Variants in TARDBP observed in about 807,000 individuals in gnomAD.
The protein encoded by TARDBP is TAR DNA binding protein, also known as TAR DNA-binding protein 43.
In TARDBP, 4 loss-of-function variants were observed where a neutral mutation model predicts 38.3. That is an observed-to-expected ratio of 0.10 (90% CI 0.05 to 0.24). The LOEUF is 0.24. Ranked by LOEUF, TARDBP falls within the 10% of genes least tolerant of loss-of-function variation. TARDBP has a pLI of 1.00. For missense variants in TARDBP, 202 were observed against 521.9 expected, an observed-to-expected ratio of 0.39 and a Z score of 5.97; for synonymous variants, 184 against 183.8, an observed-to-expected ratio of 1.00 and a Z score of -0.01.
rs756451309 is a variant in TARDBP at position 11,022,589 on chromosome 1, G to A, written c.1180G>A (p.Gly394Ser). The A allele has an allele frequency of 6.3e-7, 1 of 1,593,698 alleles. No individual in the cohort carries two copies. The highest frequency in any genetic ancestry group is 2.2e-5 in the East Asian group (1 of 44,680). The change falls in exon 6 of 6, where the codon GGC (glycine) becomes AGC (serine). Residue 394 changes from glycine (G) to serine (S), a missense_variant. Coordinates refer to ENST00000240185, the MANE Select transcript of TARDBP (RefSeq NM_007375.4). This position sits in a 1 kb window ranked among gnomAD's most constrained non-coding sequence, Gnocchi z 4.5. ...GGGATCAGCATCCAATGCAGGGTCG[G>A]GCAGTGGTTTTAATGGAGGCTTTGG... is the stretch of plus-strand genomic sequence containing the variant. ...GWGSASNAGS[G>S]SGFNGGFGSS...
chr1:11,027,077 A>G (rs1250963821), downstream of TARDBP: 1 of 1,594,696 alleles, frequency 6.3e-7, no homozygotes, highest in Admixed American at 1.7e-5. Flanking sequence ...CCTTGCCCCC[A>G]CTTTCTAAGC....
Position 11,024,567 on chromosome 1 carries a change from A to T in TARDBP, c.*1913A>T, listed in dbSNP as rs1643694755. ...GGATTTGAAAAGTGGAATTAATTGC[A>T]GTAGGGATAAAGTAGAAGAAACCAC... On this transcript the variant is annotated 3_prime_UTR_variant, in exon 6 of 6. Coordinates refer to ENST00000240185, the MANE Select transcript of TARDBP (RefSeq NM_007375.4). The T allele has an allele frequency of 6.6e-6, 1 of 152,664 alleles. No individual in the cohort carries two copies. Among genetic ancestry groups the T allele is most frequent in the South Asian group, 2.1e-4 (1 of 4,824 alleles). The allele number at this position is 152,664 out of a possible 1,614,324, so 9.5% of individuals were successfully genotyped here.
At chr1:11,027,133 G>C (rs762309624), downstream of TARDBP, 1 of 1,612,728 alleles carries the variant, frequency 6.2e-7, no homozygotes, top group Admixed American at 1.7e-5. Flanking sequence ...GGATAGGGTG[G>C]CTTTTCATAT....
Position 11,015,037 on chromosome 1 carries a change from G to A in TARDBP, c.238+1072G>A, listed in dbSNP as rs1472582903. ...CAGGAGAATCGCTTGAACCTGGGAG[G>A]CGGAGATTACTTTAAGCTGAGGTCG... On this transcript the variant is annotated intron_variant, in intron 2 of 5. Coordinates refer to ENST00000240185, the MANE Select transcript of TARDBP (RefSeq NM_007375.4). Among the ~76,000 whole-genome samples the A allele has an allele frequency of 2.6e-5, 4 of 151,648 alleles. No homozygotes were observed. The East Asian group carries it at 7.7e-4, about 29-fold the overall frequency.
rs575825467 is a variant in TARDBP, at chr1:11,013,703, CTT to C, written c.-12-10_-12-9del. On this transcript the variant is annotated splice_polypyrimidine_tract_variant and intron_variant, in intron 1 of 5. Coordinates refer to ENST00000240185, the MANE Select transcript of TARDBP (RefSeq NM_007375.4). Reference sequence around the variant, plus strand: ...ACATGAATGTTGTTCATTCATATCTCTTTTCTCTTTAGGAAAAGTAAAAGATG... The same window carrying C: ...ACATGAATGTTGTTCATTCATATCTCTTCTCTTTAGGAAAAGTAAAAGATG... 2.7e-4 allele frequency: 433 copies of C among 1,575,584 alleles called. 10 individuals carry two copies. In the South Asian group the frequency reaches 4.8e-3, roughly 17 times the overall value.
At position 11,024,005 on chromosome 1, in the gene TARDBP, T is replaced by G; in HGVS notation, c.*1351T>G. ...GCTTGGATGCTTTTTATAAGAGTTG[T>G]CATTGTTGGAAATTCTTAAATAAAA... is the stretch of plus-strand genomic sequence containing the variant. On this transcript the variant is annotated 3_prime_UTR_variant, in exon 6 of 6. Transcript: ENST00000240185. The G allele has an allele frequency of 6.6e-6, 1 of 152,646 alleles. No individual in the cohort carries two copies. The highest frequency in any genetic ancestry group is 2.1e-4 in the South Asian group (1 of 4,830). 9.5% of individuals were successfully genotyped at this position (152,646 alleles called of 1,614,324 possible). A position where few individuals can be genotyped will look rare whatever the true frequency, so the allele number is the denominator to read the frequency against.
chr1:11,019,898 C>T (rs182269198), intron 4 of TARDBP, among the ~76,000 whole-genome samples: 2 of 128,334 alleles, frequency 1.6e-5, no homozygotes, highest in Non-Finnish European at 3.2e-5. Flanking sequence ...GAGTTTCACT[C>T]TTATTGCTCA....
Position 11,013,756 on chromosome 1 carries a change from A to G in TARDBP, c.29A>G (p.Asp10Gly). ...TCTGAATATATTCGGGTAACCGAAGATGAGAACGATGAGCCCATTGAAATA... is the reference window on the plus strand; with the variant it reads ...TCTGAATATATTCGGGTAACCGAAGGTGAGAACGATGAGCCCATTGAAATA... The part of the protein sequence containing the change: MSEYIRVTE[D>G]ENDEPIEIPS... The change falls in exon 2 of 6, where the codon GAT becomes GGT. Residue 10 changes from aspartate (D) to glycine (G), a missense_variant. Around this residue, in one of 5 missense-constraint regions of TARDBP, gnomAD observed 12 missense variants for 26.3 expected, o/e 0.46. Transcript: ENST00000240185. The G allele has an allele frequency of 6.2e-7, 1 of 1,612,218 alleles. No individual in the cohort carries two copies. The highest frequency in any genetic ancestry group is 8.5e-7 in the Non-Finnish European group (1 of 1,178,950).
At chr1:11,020,770 T>C (rs1643621104) in intron 5 of TARDBP, among the ~76,000 whole-genome samples, 171 bp downstream of exon 5, 1 of 149,806 alleles carries the variant, frequency 6.7e-6, no homozygotes, top group Non-Finnish European at 1.5e-5. Flanking sequence ...AAAAAATAGC[T>C]CGGTGTGGTG....
At position 11,018,828 on chromosome 1, in the gene TARDBP, T is replaced by C; in HGVS notation, c.498T>C (p.His166=). Residue 166 remains histidine (H), a synonymous_variant, in exon 4 of 6, where the codon CAT becomes CAC. Coordinates refer to ENST00000240185, the MANE Select transcript of TARDBP (RefSeq NM_007375.4). ...AAGTGAAAGTAATGTCACAGCGACATATGATAGATGGACGATGGTGTGACT... is the reference window on the plus strand; with the variant it reads ...AAGTGAAAGTAATGTCACAGCGACACATGATAGATGGACGATGGTGTGACT... ...ETQVKVMSQR[H]MIDGRWCDCK... is the part of the protein sequence containing the mutation. The C allele has an allele frequency of 6.2e-7, 1 of 1,614,228 alleles. No individual in the cohort carries two copies. Among genetic ancestry groups the C allele is most frequent in the Non-Finnish European group, 8.5e-7 (1 of 1,180,038 alleles).
At chr1:11,014,992 A>G (rs1314669210) in intron 2 of TARDBP, among the ~76,000 whole-genome samples, 1 of 152,036 alleles carries the variant, frequency 6.6e-6, no homozygotes, top group East Asian at 1.9e-4. Context: ...CTGTAGTCCC[A>G]GCTAGTCTGG....
chr1:11,028,171 A>G (rs1214503110), downstream of TARDBP, among the ~76,000 whole-genome samples: 2 of 152,030 alleles, frequency 1.3e-5, no homozygotes, highest in Admixed American at 6.6e-5. Context: ...GCAGTAAGAC[A>G]AGTCACACCA....
downstream of TARDBP, among the ~76,000 whole-genome samples, chr1:11,028,078 C>T (rs1044484688): frequency 4.0e-5 from 6 of 151,866 alleles, no homozygotes; most frequent in Admixed American, 2.6e-4. Context: ...AAAAATTAGC[C>T]GGGCGTGGTG....
intron 4 of TARDBP, chr1:11,019,174 T>C (rs1643586717): frequency 2.5e-6 from 1 of 403,946 alleles, no homozygotes; most frequent in Non-Finnish European, 4.6e-6. Flanking sequence ...TGTTAAAACA[T>C]AAAGAGAATC....
chr1:11,021,916 C>G (rs1351000324), intron 5 of TARDBP, among the ~76,000 whole-genome samples: 1 of 152,218 alleles, frequency 6.6e-6, no homozygotes, highest in African/African-American at 2.4e-5. Flanking sequence ...CATGCCCAGC[C>G]TATGTCTTTT....
At chr1:11,016,811 G>C (rs761353104) in intron 2 of TARDBP, 33 bp from the exon 3 acceptor site, 3 of 1,610,934 alleles carry the variant, frequency 1.9e-6, no homozygotes, top group Non-Finnish European at 2.5e-6. Flanking sequence ...GCTAAGTGAA[G>C]ATTTCTAAAA....
downstream of TARDBP, chr1:11,027,624 G>C: frequency 6.2e-7 from 1 of 1,612,448 alleles, no homozygotes; most frequent in South Asian, 1.1e-5. Flanking sequence ...ACGCCCTCCT[G>C]TTGTGCGGGC....
At chr1:11,019,697 G>A (rs1326585425) in intron 4 of TARDBP, among the ~76,000 whole-genome samples, 1 of 151,862 alleles carries the variant, frequency 6.6e-6, no homozygotes, top group Non-Finnish European at 1.5e-5. Context: ...CTGCCGAGTA[G>A]CTGGGACTAC....
In TARDBP at chr1:11,022,402, G is replaced by C; in HGVS notation, c.993G>C (p.Gln331His). The C allele has an allele frequency of 6.2e-7, 1 of 1,614,008 alleles. No homozygotes were observed. The highest frequency in any genetic ancestry group is 1.1e-5 in the South Asian group (1 of 91,082). Residue 331 changes from glutamine (Q) to histidine (H), a missense_variant, in exon 6 of 6, where the codon CAG becomes CAC. Gln to His is a conservative substitution (Grantham distance 24). Transcript: ENST00000240185. The surrounding 1 kb of genome is among the most constrained non-coding windows in gnomAD (Gnocchi z 4.5). ...AMMAAAQAAL[Q>H]SSWGMMGMLA... ...TGGCTGCCGCCCAGGCAGCACTACA[G>C]AGCAGTTGGGGTATGATGGGCATGT...
Sources: gnomAD v4.1 joint callset for allele counts (sites outside exome capture counted in the v4.1 genomes callset) on GRCh38, gnomAD v4.1.1 for gene constraint, gnomAD v4.1.1 regional missense constraint, Gnocchi (gnomAD v3.1) non-coding constraint, MANE v1.5 for transcripts, NCBI Gene and HGNC (gene_info 2026-07-23, HGNC 2026-07-21) for gene names.